The following KIF1A variants were observed in gnomAD, a reference collection of about 807,000 sequenced individuals.
KIF1A encodes the protein kinesin family member 1A.
Under a neutral mutation model 227.3 loss-of-function variants are expected in KIF1A, and 46 were observed. The observed-to-expected ratio is 0.20, with a 90% CI of 0.16 to 0.26. The LOEUF (loss-of-function observed/expected upper bound fraction) is 0.26, where lower values mean the gene tolerates loss of function less well. Ranked by LOEUF, KIF1A falls within the 10% of genes least tolerant of loss-of-function variation. KIF1A has a pLI of 1.00. For synonymous variants in KIF1A, 1,022 were observed against 1,012.8 expected (o/e 1.01, Z -0.17); for missense variants, 1,683 against 2,485.9 (o/e 0.68, Z 6.87).
At chr2:240,732,239 A>AGG in intron 38 of KIF1A, among the ~76,000 whole-genome samples, 2 of 75,590 alleles carry the variant, frequency 2.6e-5, no homozygotes, top group African/African-American at 5.8e-5. Flanking sequence ...GCATGAGGGG[A>AGG]AGAGGGGATG....
intron 6 of KIF1A, among the ~76,000 whole-genome samples, chr2:240,785,696 G>T (rs1239526954): frequency 6.6e-6 from 1 of 152,202 alleles, no homozygotes; most frequent in Non-Finnish European, 1.5e-5. Context: ...TCACAATGAC[G>T]GCCAGGGTGC....
Position 240,786,762 on chromosome 2 carries a change from AGG to A in KIF1A, c.430-251_430-250del, listed in dbSNP as rs1559530002. Among the ~76,000 whole-genome samples the A allele has an allele frequency of 2.1e-3, 144 of 69,152 alleles. 5 individuals carry two copies. Among genetic ancestry groups the A allele is most frequent in the African/African-American group, 6.8e-3 (121 of 17,670 alleles). 45.4% of individuals were successfully genotyped at this position (69,152 alleles called of 152,430 possible). A position where few individuals can be genotyped will look rare whatever the true frequency, so the allele number is the denominator to read the frequency against. ...CTGCTGGGCCCCTGAGTGAGAGGGT[AGG>A]GGCCACCATCAGGACCCCTGAGTGA... On this transcript the variant is annotated intron_variant, in intron 5 of 48. Coordinates refer to ENST00000498729, the MANE Select transcript of KIF1A (RefSeq NM_001244008.2).
chr2:240,722,016 T>C (rs2045453196), intron 43 of KIF1A, 132 bp from the exon 44 acceptor site: 2 of 703,134 alleles, frequency 2.8e-6, no homozygotes, highest in Non-Finnish European at 4.9e-6. Flanking sequence ...TGGGTCAAGG[T>C]GGGCAGCACC....
intron 14 of KIF1A, 113 bp from the exon 15 acceptor site, chr2:240,771,217 G>T: frequency 7.9e-7 from 1 of 1,269,684 alleles, no homozygotes; most frequent in South Asian, 1.3e-5. Context: ...GACAGACAGA[G>T]GGAGGGAGAG....
rs1235111114 is a variant in KIF1A, at chr2:240,758,418, C to T, written c.2524G>A (p.Val842Met). Residue 842 changes from valine (V) to methionine (M), a missense_variant, in exon 26 of 49, where the codon GTG becomes ATG. Val to Met is a conservative substitution (Grantham distance 21). Transcript: ENST00000498729. This position sits in a 1 kb window ranked among gnomAD's most constrained non-coding sequence, Gnocchi z 5.2. Reference protein sequence around the residue: ...PSSVIEDCDNVVTGGDPFYDR... With the variant: ...PSSVIEDCDNMVTGGDPFYDR... Reference sequence around the variant, plus strand: ...TAGAAGGGGTCTCCGCCGGTCACCACGTTGTCACAGTCCTCGATGACACTG... The same window carrying T: ...TAGAAGGGGTCTCCGCCGGTCACCATGTTGTCACAGTCCTCGATGACACTG... 3 of 1,612,988 alleles carry T rather than the reference C, an allele frequency of 1.9e-6. No homozygotes were observed. In the Admixed American group the frequency reaches 5.0e-5, roughly 27 times the overall value.
At chr2:240,782,064 T>C (rs1366357510) in intron 10 of KIF1A, 1 of 985,212 alleles carries the variant, frequency 1.0e-6, no homozygotes, top group African/African-American at 1.7e-5. Context: ...TGCCGGTCCC[T>C]CGAACGCTTT....
In KIF1A at chr2:240,775,933, G is replaced by C. The variant is rs957063587; in HGVS notation, c.883-7C>G. 1.9e-6 allele frequency: 3 copies of C among 1,597,572 alleles called. No homozygotes were observed. Among genetic ancestry groups the C allele is most frequent in the Admixed American group, 3.3e-5 (2 of 59,998 alleles). On this transcript the variant is annotated splice_region_variant and splice_polypyrimidine_tract_variant and intron_variant, in intron 10 of 48. Coordinates refer to ENST00000498729, the MANE Select transcript of KIF1A (RefSeq NM_001244008.2). The surrounding 1 kb of genome is among the most constrained non-coding windows in gnomAD (Gnocchi z 5.5). ...TCTTCTTCTTTTTCTTGTTCTGTGGGGGAGGAACATTCAAGGTCAAGCCCG... is the reference window on the plus strand; with the variant it reads ...TCTTCTTCTTTTTCTTGTTCTGTGGCGGAGGAACATTCAAGGTCAAGCCCG...
rs1559473737 is a variant in KIF1A at position 240,719,864 on chromosome 2, G to C, written c.4931C>G (p.Ser1644Cys). ...PEPELLPEAD[S>C]KKLPSPARAT... is the part of the protein sequence containing the mutation. ...CCGGGCAGGGGAAGGGAGCTTCTTG[G>C]AGTCGGCCTCTGGCAGCAGCTCGGG... The change falls in exon 46 of 49, where the codon TCC becomes TGC. Residue 1644 changes from serine (S) to cysteine (C), a missense_variant. Transcript: ENST00000498729. The C allele has an allele frequency of 6.2e-7, 1 of 1,612,140 alleles. No individual in the cohort carries two copies. Among genetic ancestry groups the C allele is most frequent in the Admixed American group, 1.7e-5 (1 of 59,940 alleles).
intron 10 of KIF1A, among the ~76,000 whole-genome samples, chr2:240,781,467 A>AG (rs2053986287): frequency 2.9e-5 from 2 of 69,972 alleles, no homozygotes; most frequent in Admixed American, 2.8e-4. Context: ...ACAGCTCCAC[A>AG]CACACACACA....
Position 240,726,726 on chromosome 2 carries a change from G to C in KIF1A, c.4122+100C>G, listed in dbSNP as rs1184994141. On this transcript the variant is annotated intron_variant, in intron 39 of 48. Transcript: ENST00000498729. The surrounding 1 kb of genome is among the most constrained non-coding windows in gnomAD (Gnocchi z 5.2). ...TTAACCCAGGGACTTGAGAACTAGA[G>C]AAGTCGTCTGGGTCATATGGGGTTG... The C allele has an allele frequency of 3.7e-5, 21 of 570,608 alleles. No homozygotes were observed. The highest frequency in any genetic ancestry group is 5.3e-5 in the Non-Finnish European group (17 of 322,554). 35.3% of individuals were successfully genotyped at this position (570,608 alleles called of 1,614,324 possible).
At chr2:240,799,589 G>C (rs772747308) in intron 1 of KIF1A, among the ~76,000 whole-genome samples, 1 of 152,208 alleles carries the variant, frequency 6.6e-6, no homozygotes, top group Admixed American at 6.5e-5. Flanking sequence ...CAGCGTGGAC[G>C]GGGGGATGAC....
intron 4 of KIF1A, among the ~76,000 whole-genome samples, chr2:240,787,703 G>A (rs1271911519): frequency 6.6e-6 from 1 of 152,094 alleles, no homozygotes; most frequent in Admixed American, 6.5e-5. Context: ...CTGGTGTTTG[G>A]CCACCCCTGT....
chr2:240,737,142 C>T lies in KIF1A; in HGVS notation c.3928G>A (p.Asp1310Asn), dbSNP rs371252476. The change falls in exon 38 of 49, where the codon GAC (aspartate) becomes AAC (asparagine). Residue 1310 changes from aspartate (D) to asparagine (N), a missense_variant. Physicochemically the swap from Asp to Asn is conservative, Grantham distance 23. Around this residue, in one of 12 missense-constraint regions of KIF1A, gnomAD observed 759 missense variants for 1,020.2 expected, o/e 0.74. Coordinates refer to ENST00000498729, the MANE Select transcript of KIF1A (RefSeq NM_001244008.2). ...ATGTTGGGGTCGATCAGGGACTCGT[C>T]GGTCTCTGGAGTGTTTCGGATGCGG... ...VGRIRNTPETDESLIDPNILS... is the reference protein window; with the variant it reads ...VGRIRNTPETNESLIDPNILS... The T allele has an allele frequency of 4.5e-5, 72 of 1,613,480 alleles. 1 individual carries two copies. The highest frequency in any genetic ancestry group is 3.7e-4 in the South Asian group (34 of 91,074).
chr2:240,810,739 G>C (rs894831349), intron 1 of KIF1A, among the ~76,000 whole-genome samples: 13 of 152,224 alleles, frequency 8.5e-5, no homozygotes, highest in African/African-American at 3.1e-4. Flanking sequence ...GGCAGACGAT[G>C]ACACTCCAGG....
chr2:240,741,470 G>T lies in KIF1A; in HGVS notation c.3641-93C>A. The T allele has an allele frequency of 3.1e-6, 3 of 979,812 alleles. No individual in the cohort carries two copies. The South Asian group carries it at 6.0e-5, about 20-fold the overall frequency. The allele number at this position is 979,812 out of a possible 1,614,324, so 60.7% of individuals were successfully genotyped here. On this transcript the variant is annotated intron_variant, in intron 34 of 48. Transcript: ENST00000498729. ...AAGGAGGAGATGCCGGGGCCAAAGG[G>T]ACTCAGAGGCAGCAAGGGCACCTCC...
chr2:240,733,985 C>T (rs9678559), intron 38 of KIF1A, among the ~76,000 whole-genome samples: 8,158 of 152,322 alleles, frequency 0.054, 592 homozygotes, highest in African/African-American at 0.17. Flanking sequence ...CAGGCTGGCA[C>T]GGGCAGGGGC....
At chr2:240,817,059 G>A (rs1448193241) in intron 1 of KIF1A, among the ~76,000 whole-genome samples, 1 of 152,236 alleles carries the variant, frequency 6.6e-6, no homozygotes, top group Admixed American at 6.5e-5. Flanking sequence ...GGGCCACTGT[G>A]CCCCTGCCTC....
intron 1 of KIF1A, among the ~76,000 whole-genome samples, chr2:240,818,334 C>G (rs35903022): frequency 6.6e-6 from 1 of 151,912 alleles, no homozygotes; most frequent in Non-Finnish European, 1.5e-5. Flanking sequence ...TCCGATCCCA[C>G]GCTGGGCCCC....
chr2:240,771,227 G>C, intron 14 of KIF1A, 123 bp from the exon 15 acceptor site: 1 of 1,157,038 alleles, frequency 8.6e-7, no homozygotes, highest in East Asian at 2.4e-5. Flanking sequence ...GGGAGGGAGA[G>C]AAAAAAGATG....
Sources: gnomAD v4.1 joint callset for allele counts (sites outside exome capture counted in the v4.1 genomes callset) on GRCh38, gnomAD v4.1.1 for gene constraint, gnomAD v4.1.1 regional missense constraint, Gnocchi (gnomAD v3.1) non-coding constraint, MANE v1.5 for transcripts, NCBI Gene and HGNC (gene_info 2026-07-23, HGNC 2026-07-21) for gene names.